The following XKR6 variants were observed in gnomAD, a reference collection of about 807,000 sequenced individuals.
XKR6 encodes XK related 6, also known as XK-related protein 6.
XKR6 carries 22 observed loss-of-function variants against 56.7 expected under a neutral mutation model. The ratio of observed to expected loss-of-function variants is 0.39; its 90% confidence interval spans 0.28 to 0.55. XKR6 has a LOEUF of 0.55. Among genes scored for constraint, XKR6 ranks in the 20% least tolerant of loss-of-function variants. The pLI is 0.66. For synonymous variants in XKR6, 524 were observed against 387.8 expected (o/e 1.35, Z -4.13); for missense variants, 852 against 889.0 (o/e 0.96, Z 0.53).
intron 1 of XKR6, among the ~76,000 whole-genome samples, chr8:10,940,335 G>C (rs1801348442): frequency 6.6e-6 from 1 of 152,188 alleles, no homozygotes; most frequent in African/African-American, 2.4e-5. Flanking sequence ...ATGCCACATA[G>C]CTCATGCCTT....
chr8:11,132,188 C>T (rs1011523925), intron 1 of XKR6, among the ~76,000 whole-genome samples: 1 of 152,082 alleles, frequency 6.6e-6, no homozygotes, highest in African/African-American at 2.4e-5. Context: ...AGCCTGATCT[C>T]ATAAAATCAA....
intron 1 of XKR6, among the ~76,000 whole-genome samples, chr8:11,041,961 G>GT (rs1285587640): frequency 6.6e-6 from 1 of 152,092 alleles, no homozygotes; most frequent in Non-Finnish European, 1.5e-5. Flanking sequence ...TCATTGTACT[G>GT]TATATATATA....
At chr8:11,145,498 G>C (rs982421883) in intron 1 of XKR6, among the ~76,000 whole-genome samples, 2 of 152,054 alleles carry the variant, frequency 1.3e-5, no homozygotes, top group Non-Finnish European at 2.9e-5. Context: ...CCAAAAAAAA[G>C]TTTCTGCAAC....
chr8:11,186,856 T>C (rs768808402), intron 1 of XKR6, among the ~76,000 whole-genome samples: 8 of 152,200 alleles, frequency 5.3e-5, no homozygotes, highest in South Asian at 2.1e-4. Context: ...ATTAGAGCTA[T>C]TGAGAAAACA....
chr8:11,091,587 A>G (rs912111492), intron 1 of XKR6, among the ~76,000 whole-genome samples: 5 of 152,182 alleles, frequency 3.3e-5, no homozygotes, highest in African/African-American at 1.2e-4. Flanking sequence ...CAATGGTACC[A>G]TTAAAGATGC....
intron 1 of XKR6, among the ~76,000 whole-genome samples, chr8:11,033,063 TGTG>T (rs758091903): frequency 7.4e-4 from 113 of 151,904 alleles, no homozygotes; most frequent in Non-Finnish European, 9.6e-4. Context: ...ATGATGGTAA[TGTG>T]GTGGTGACGA....
intron 1 of XKR6, among the ~76,000 whole-genome samples, chr8:11,150,120 T>A (rs1801199375): frequency 6.6e-6 from 1 of 152,158 alleles, no homozygotes; most frequent in South Asian, 2.1e-4. Context: ...GGATGGCTAA[T>A]GGATACAAAC....
Position 10,924,740 on chromosome 8 carries a change from T to A in XKR6, c.855A>T (p.Ala285=). 1.2e-6 allele frequency: 2 copies of A among 1,614,008 alleles called. No individual in the cohort carries two copies. The highest frequency in any genetic ancestry group is 1.7e-6 in the Non-Finnish European group (2 of 1,180,006). Residue 285 remains alanine (A), a synonymous_variant, in exon 2 of 3, where the codon GCA becomes GCT. Coordinates refer to ENST00000416569, the MANE Select transcript of XKR6 (RefSeq NM_173683.4). ...RFYWAMMYEY[A]DVNMLRLLET... ...CCAGGAGGCGCAGCATGTTGACGTC[T>A]GCATATTCATACATCATAGCCCAGT...
intron 1 of XKR6, among the ~76,000 whole-genome samples, chr8:11,023,971 G>A (rs1426951436): frequency 2.0e-5 from 3 of 152,204 alleles, no homozygotes; most frequent in African/African-American, 7.2e-5. Context: ...TGTGGCTGCA[G>A]ATGAGCTTAG....
At chr8:10,910,584 TG>T (rs1178222197) in intron 2 of XKR6, among the ~76,000 whole-genome samples, 7 of 152,218 alleles carry the variant, frequency 4.6e-5, no homozygotes, top group African/African-American at 1.7e-4. Context: ...GTGGCTCTCC[TG>T]GACCCTGGGC....
At chr8:10,960,950 A>G (rs1802041461) in intron 1 of XKR6, among the ~76,000 whole-genome samples, 1 of 152,204 alleles carries the variant, frequency 6.6e-6, no homozygotes, top group Non-Finnish European at 1.5e-5. Context: ...GACAGGGAAG[A>G]CCGGGCTAGA....
At chr8:11,018,120 C>T (rs906580445) in intron 1 of XKR6, among the ~76,000 whole-genome samples, 3 of 152,182 alleles carry the variant, frequency 2.0e-5, no homozygotes, top group Non-Finnish European at 2.9e-5. Context: ...CAAAGGGTTA[C>T]GCTGCTGTCA....
chr8:10,972,150 C>T (rs765656797), intron 1 of XKR6, among the ~76,000 whole-genome samples: 15 of 152,244 alleles, frequency 9.9e-5, no homozygotes, highest in Admixed American at 1.3e-4. Context: ...GGGGTTCATC[C>T]GGGCCCAGCT....
intron 1 of XKR6, among the ~76,000 whole-genome samples, chr8:11,190,507 T>C (rs1206581299): frequency 3.9e-5 from 6 of 152,210 alleles, no homozygotes; most frequent in African/African-American, 7.2e-5. Context: ...TACTGAAAAC[T>C]GTGTCCTAAG....
intron 1 of XKR6, among the ~76,000 whole-genome samples, chr8:11,167,890 T>C (rs372965392): frequency 0.022 from 2,429 of 108,552 alleles, 266 homozygotes; most frequent in African/African-American, 0.076. Context: ...CCCCATCTCT[T>C]AAAAAAAAAA....
chr8:10,945,731 G>A (rs1441710422), intron 1 of XKR6, among the ~76,000 whole-genome samples: 1 of 152,240 alleles, frequency 6.6e-6, no homozygotes, highest in Non-Finnish European at 1.5e-5. Flanking sequence ...ACTCTGGAAA[G>A]TTCATATGTC....
chr8:10,950,127 G>A (rs1243964045), intron 1 of XKR6, among the ~76,000 whole-genome samples: 1 of 152,212 alleles, frequency 6.6e-6, no homozygotes, highest in Non-Finnish European at 1.5e-5. Flanking sequence ...GACCAGAAGA[G>A]GTCACAGCAG....
chr8:11,200,443 G>C lies in XKR6; in HGVS notation c.764+133C>G, dbSNP rs1804146232. ...AAACGCCGGTCTTTTGGAGACGCCAGGGGCGGCGCGCGGCCGGTCCCTCCT... is the reference window on the plus strand; with the variant it reads ...AAACGCCGGTCTTTTGGAGACGCCACGGGCGGCGCGCGGCCGGTCCCTCCT... On this transcript the variant is annotated intron_variant, in intron 1 of 2. Coordinates refer to ENST00000416569, the MANE Select transcript of XKR6 (RefSeq NM_173683.4). This position sits in a 1 kb window ranked among gnomAD's most constrained non-coding sequence, Gnocchi z 6.4. 3.3e-6 allele frequency: 4 copies of C among 1,197,990 alleles called. No individual in the cohort carries two copies. The highest frequency in any genetic ancestry group is 1.6e-5 in the African/African-American group (1 of 62,110). 74.2% of individuals were successfully genotyped at this position (1,197,990 alleles called of 1,614,324 possible).
chr8:10,926,876 C>T (rs1800901030), intron 1 of XKR6, among the ~76,000 whole-genome samples: 1 of 152,176 alleles, frequency 6.6e-6, no homozygotes, highest in South Asian at 2.1e-4. Context: ...GAGGTTGCAC[C>T]TAGTCTCAGA....
Sources: gnomAD v4.1 joint callset for allele counts (sites outside exome capture counted in the v4.1 genomes callset) on GRCh38, gnomAD v4.1.1 for gene constraint, Gnocchi (gnomAD v3.1) non-coding constraint, MANE v1.5 for transcripts, NCBI Gene and HGNC (gene_info 2026-07-23, HGNC 2026-07-21) for gene names.